HERC3: variants seen among roughly 807,000 people sequenced by gnomAD.
HERC3 encodes the protein probable E3 ubiquitin-protein ligase HERC3.
HERC3 carries 58 observed loss-of-function variants against 129.9 expected under a neutral mutation model. That is an observed-to-expected ratio of 0.45 (90% CI 0.36 to 0.56). The LOEUF (loss-of-function observed/expected upper bound fraction) is 0.56, where lower values mean the gene tolerates loss of function less well. Among genes scored for constraint, HERC3 ranks in the 20% least tolerant of loss-of-function variants. The pLI, the probability that HERC3 is intolerant of heterozygous loss-of-function variation, is 0.00. For missense variants in HERC3, 835 were observed against 1,244.2 expected (o/e 0.67, Z 4.95); for synonymous variants, 430 against 451.0 (o/e 0.95, Z 0.59).
At chr4:88,593,980 G>A (rs529436740) in intron 1 of HERC3, among the ~76,000 whole-genome samples, 4 of 152,260 alleles carry the variant, frequency 2.6e-5, no homozygotes, top group Admixed American at 2.6e-4. Flanking sequence ...TTTACATCAT[G>A]GTCGTACCGC....
intron 3 of HERC3, among the ~76,000 whole-genome samples, chr4:88,632,871 A>G (rs1382971929): frequency 1.3e-5 from 2 of 152,226 alleles, no homozygotes; most frequent in East Asian, 3.8e-4. Context: ...GAAGACATAA[A>G]CCTACAAATT....
At chr4:88,632,903 G>A (rs1449325733) in intron 3 of HERC3, among the ~76,000 whole-genome samples, 1 of 152,170 alleles carries the variant, frequency 6.6e-6, no homozygotes, top group East Asian at 1.9e-4. Flanking sequence ...GTGAACCCAA[G>A]CAAGATAAAC....
the HERC3 span, among the ~76,000 whole-genome samples, chr4:88,539,812 C>G: frequency 6.6e-6 from 1 of 152,160 alleles, no homozygotes; most frequent in Non-Finnish European, 1.5e-5. Context: ...GAGTGAACCT[C>G]CAGCAAACTC....
chr4:88,543,436 G>A, the HERC3 span, among the ~76,000 whole-genome samples: 8,024 of 152,146 alleles, frequency 0.053, 725 homozygotes, highest in African/African-American at 0.18. Flanking sequence ...AATAAAAGAG[G>A]ACACAAACGA....
intron 21 of HERC3, 45 bp from the exon 22 acceptor site, chr4:88,686,691 A>G (rs1278399797): frequency 2.5e-6 from 3 of 1,203,298 alleles, no homozygotes; most frequent in Non-Finnish European, 2.5e-6. Context: ...CTGTTGCAGC[A>G]GTGTCTGACT....
At chr4:88,575,394 T>G in the HERC3 span, among the ~76,000 whole-genome samples, 2 of 152,222 alleles carry the variant, frequency 1.3e-5, no homozygotes, top group African/African-American at 4.8e-5. Context: ...CCTCAGCCTG[T>G]CAAAGCTGAC....
At chr4:88,621,471 T>C (rs1725515909) in intron 3 of HERC3, among the ~76,000 whole-genome samples, 1 of 152,160 alleles carries the variant, frequency 6.6e-6, no homozygotes, top group Admixed American at 6.5e-5. Context: ...AATTAAGGAG[T>C]ATAGAATCTT....
chr4:88,707,059 T>A lies in HERC3; in HGVS notation c.*99T>A. 2 of 945,006 alleles carry A rather than the reference T, an allele frequency of 2.1e-6. No homozygotes were observed. Among genetic ancestry groups the A allele is most frequent in the South Asian group, 1.6e-5 (1 of 63,846 alleles). The allele number at this position is 945,006 out of a possible 1,614,324, so 58.5% of individuals were successfully genotyped here. A position where few individuals can be genotyped will look rare whatever the true frequency, so the allele number is the denominator to read the frequency against. On this transcript the variant is annotated 3_prime_UTR_variant, in exon 26 of 26. Transcript: ENST00000402738. ...GAGTGATTTCTATTTTTTTATTGTC[T>A]AAGTGGGTTGGGACTTTTAAATACT...
At chr4:88,594,111 T>C (rs1722072734) in intron 1 of HERC3, among the ~76,000 whole-genome samples, 1 of 152,204 alleles carries the variant, frequency 6.6e-6, no homozygotes, top group African/African-American at 2.4e-5. Flanking sequence ...AGCACTAGCA[T>C]CCAGTTCTTG....
intron 2 of HERC3, among the ~76,000 whole-genome samples, chr4:88,599,051 G>A (rs1722705732): frequency 6.6e-6 from 1 of 152,188 alleles, no homozygotes; most frequent in Admixed American, 6.5e-5. Flanking sequence ...GCAAGCAAGA[G>A]AGTGAATGAG....
At chr4:88,608,795 C>G (rs551656558) in intron 3 of HERC3, among the ~76,000 whole-genome samples, 1 of 152,188 alleles carries the variant, frequency 6.6e-6, no homozygotes, top group South Asian at 2.1e-4. Context: ...GGGTCATGGC[C>G]CAACAGTCTA....
At chr4:88,679,407 T>C (rs1222080175) in intron 19 of HERC3, among the ~76,000 whole-genome samples, 1 of 152,178 alleles carries the variant, frequency 6.6e-6, no homozygotes, top group Admixed American at 6.5e-5. Context: ...TGAAAAATCA[T>C]TTTTTTCTAT....
the HERC3 span, among the ~76,000 whole-genome samples, chr4:88,573,436 G>A: frequency 2.6e-5 from 4 of 152,094 alleles, no homozygotes; most frequent in Admixed American, 2.6e-4. Flanking sequence ...ACACTGCTAC[G>A]AGTCAGTGTC....
At chr4:88,693,404 C>A in intron 23 of HERC3, 1 of 972,772 alleles carries the variant, frequency 1.0e-6, no homozygotes, top group African/African-American at 1.8e-5. Flanking sequence ...ATCACCATTT[C>A]ATCCAGTCCT....
the HERC3 span, among the ~76,000 whole-genome samples, chr4:88,581,825 CT>C: frequency 1.3e-5 from 2 of 152,084 alleles, no homozygotes; most frequent in Admixed American, 6.6e-5. Context: ...TAGAATTTTT[CT>C]GAATACAACA....
At chr4:88,651,709 C>G (rs777265171) in intron 4 of HERC3, among the ~76,000 whole-genome samples, 3 of 152,098 alleles carry the variant, frequency 2.0e-5, no homozygotes, top group Non-Finnish European at 4.4e-5. Context: ...CTCAGCCTCC[C>G]GAGTAGCTGG....
chr4:88,524,239 A>G, the HERC3 span, among the ~76,000 whole-genome samples: 2 of 152,156 alleles, frequency 1.3e-5, no homozygotes, highest in African/African-American at 4.8e-5. Context: ...AAAAAGTGAG[A>G]ACCTGGAAGG....
chr4:88,634,845 C>T (rs1727193720), intron 3 of HERC3, among the ~76,000 whole-genome samples: 1 of 152,148 alleles, frequency 6.6e-6, no homozygotes, highest in African/African-American at 2.4e-5. Flanking sequence ...GTGACATTTC[C>T]AGATGCAGGA....
intron 3 of HERC3, among the ~76,000 whole-genome samples, chr4:88,628,770 A>AG (rs1726419683): frequency 6.6e-6 from 1 of 152,230 alleles, no homozygotes; most frequent in Non-Finnish European, 1.5e-5. Context: ...GTATAAAACA[A>AG]TCTGCAGGCT....
Sources: allele counts gnomAD v4.1 joint callset (sites outside exome capture counted in the v4.1 genomes callset), GRCh38; gene constraint gnomAD v4.1.1; transcripts MANE v1.5; gene names NCBI Gene and HGNC (gene_info 2026-07-23, HGNC 2026-07-21).